Variants in USP43 observed in about 807,000 individuals in gnomAD.
USP43 encodes ubiquitin carboxyl-terminal hydrolase 43.
USP43 carries 33 observed loss-of-function variants against 90.7 expected under a neutral mutation model. The ratio of observed to expected loss-of-function variants is 0.36; its 90% confidence interval spans 0.28 to 0.49. The LOEUF (loss-of-function observed/expected upper bound fraction) is 0.49, where lower values mean the gene tolerates loss of function less well. Among genes scored for constraint, USP43 ranks in the 20% least tolerant of loss-of-function variants. The pLI, the probability that USP43 is intolerant of heterozygous loss-of-function variation, is 0.98. For synonymous variants in USP43, 598 were observed against 615.8 expected, an observed-to-expected ratio of 0.97 and a Z score of 0.43; for missense variants, 1,274 against 1,476.4, an observed-to-expected ratio of 0.86 and a Z score of 2.25.
intron 5 of USP43, among the ~76,000 whole-genome samples, chr17:9,679,621 G>T (rs1319588935): frequency 6.7e-6 from 1 of 149,942 alleles, no homozygotes; most frequent in Non-Finnish European, 1.5e-5. Context: ...CGCCTCCCGG[G>T]TTCACACCAT....
intron 7 of USP43, among the ~76,000 whole-genome samples, chr17:9,685,969 C>T (rs774976083): frequency 7.9e-5 from 12 of 152,168 alleles, no homozygotes; most frequent in South Asian, 2.1e-4. Flanking sequence ...CCCCCACTGG[C>T]GCCTCCCAGC....
At chr17:9,718,470 G>A (rs934948640) in intron 14 of USP43, among the ~76,000 whole-genome samples, 7 of 152,122 alleles carry the variant, frequency 4.6e-5, no homozygotes, top group African/African-American at 1.4e-4. Context: ...CCAGCGTGTG[G>A]CATTTGGGCT....
chr17:9,705,819 G>A (rs764033716), intron 12 of USP43, among the ~76,000 whole-genome samples: 1 of 151,792 alleles, frequency 6.6e-6, no homozygotes, highest in African/African-American at 2.4e-5. Context: ...AAATATTGCT[G>A]TGATAACCCT....
At chr17:9,677,732 C>T (rs575416927) in intron 5 of USP43, among the ~76,000 whole-genome samples, 2 of 152,304 alleles carry the variant, frequency 1.3e-5, no homozygotes, top group South Asian at 4.1e-4. Context: ...ACTTCCCTGA[C>T]TATCTCATGG....
chr17:9,656,332 G>T (rs1026526274), intron 1 of USP43, 71 bp from the exon 2 acceptor site: 5 of 1,549,138 alleles, frequency 3.2e-6, no homozygotes, highest in Non-Finnish European at 4.4e-6. Flanking sequence ...GGTAGACCTG[G>T]TGCTCACAGA....
chr17:9,681,291 T>C (rs185084112), intron 6 of USP43, among the ~76,000 whole-genome samples: 1,284 of 112,048 alleles, frequency 0.011, 18 homozygotes, highest in Middle Eastern at 0.029. Flanking sequence ...ATTATATATG[T>C]TATATATAAT....
rs1233213867 is a variant in USP43 at position 9,701,495 on chromosome 17, C to T, written c.1806C>T (p.Leu602=). 3 of 1,572,154 alleles carry T rather than the reference C, an allele frequency of 1.9e-6. No individual in the cohort carries two copies. The highest frequency in any genetic ancestry group is 2.4e-5 in the East Asian group (1 of 42,550). ...AGGTGGGCGAGAGAAGAAACAAGCT[C>T]TCCACGCTGGTGAAGTTTCCGCTCT... The part of the protein sequence containing the change: ...FCQVGERRNK[L]STLVKFPLSG... The change falls in exon 12 of 15, where the codon CTC becomes CTT. Residue 602 remains leucine (L), a synonymous_variant. Transcript: ENST00000285199. The surrounding 1 kb of genome is among the most constrained non-coding windows in gnomAD (Gnocchi z 7.2).
chr17:9,647,127 G>C lies in USP43; in HGVS notation c.504+991G>C, dbSNP rs552665129. The C allele has an allele frequency of 9.3e-5, 14 of 150,650 alleles. No individual in the cohort carries two copies. In the South Asian group the frequency reaches 3.0e-3, roughly 32 times the overall value. 9.3% of individuals were successfully genotyped at this position (150,650 alleles called of 1,614,324 possible). A position where few individuals can be genotyped will look rare whatever the true frequency, so the allele number is the denominator to read the frequency against. Reference sequence around the variant, plus strand: ...AAGAAGAAACCCGCAGCTCTGGGCAGAGAACTGAAGCTCCCTACAGACTAG... The same window carrying C: ...AAGAAGAAACCCGCAGCTCTGGGCACAGAACTGAAGCTCCCTACAGACTAG... On this transcript the variant is annotated intron_variant, in intron 1 of 14. Transcript: ENST00000285199.
Position 9,681,168 on chromosome 17 carries a change from A to AG in USP43, c.1105+802_1105+803insG, listed in dbSNP as rs1206069189. Among the ~76,000 whole-genome samples, 14 of 63,728 alleles carry AG rather than the reference A, an allele frequency of 2.2e-4. 2 individuals are homozygous for AG. Among genetic ancestry groups the AG allele is most frequent in the African/African-American group, 1.4e-3 (14 of 10,324 alleles). The allele number at this position is 63,728 out of a possible 152,430, so 41.8% of individuals were successfully genotyped here. A position where few individuals can be genotyped will look rare whatever the true frequency, so the allele number is the denominator to read the frequency against. On this transcript the variant is annotated intron_variant, in intron 6 of 14. Coordinates refer to ENST00000285199, the MANE Select transcript of USP43 (RefSeq NM_153210.5). ...TACTATATAATATATACTATATAAT[A>AG]TATACTATATAATATACTATATAAT...
chr17:9,658,951 A>G (rs1912448719), intron 2 of USP43, among the ~76,000 whole-genome samples: 2 of 152,200 alleles, frequency 1.3e-5, no homozygotes, highest in Admixed American at 1.3e-4. Flanking sequence ...CCCAGGGAAG[A>G]GTCCGATTGT....
rs34258688 is a variant in USP43, at chr17:9,714,682, C to CAAAAAAAAAA, written c.2335+2560_2335+2569dup. Among the ~76,000 whole-genome samples, 44 of 69,994 alleles carry CAAAAAAAAAA rather than the reference C, an allele frequency of 6.3e-4. 1 individual carries two copies. The highest frequency in any genetic ancestry group is 2.3e-3 in the African/African-American group (42 of 18,128). The allele number at this position is 69,994 out of a possible 152,430, so 45.9% of individuals were successfully genotyped here. ...TGGGCAACAGAGCAAGACTCCATCTCAAAAAAAAAAAAAAAAAAATGAAGA... is the reference window on the plus strand; with the variant it reads ...TGGGCAACAGAGCAAGACTCCATCTCAAAAAAAAAAAAAAAAAAAAAAAAAAAAATGAAGA... On this transcript the variant is annotated intron_variant, in intron 14 of 14. Coordinates refer to ENST00000285199, the MANE Select transcript of USP43 (RefSeq NM_153210.5).
At chr17:9,710,400 A>G (rs9895034) in intron 13 of USP43, among the ~76,000 whole-genome samples, 54,029 of 151,390 alleles carry the variant, frequency 0.36, 11,047 homozygotes, top group African/African-American at 0.58. Context: ...CACTCATATC[A>G]CAGCAGGTTT....
chr17:9,691,773 G>T (rs1265785551), intron 8 of USP43, among the ~76,000 whole-genome samples: 1 of 152,044 alleles, frequency 6.6e-6, no homozygotes, highest in Admixed American at 6.6e-5. Flanking sequence ...ATTAGGCCAG[G>T]TGCGGTGGCT....
intron 3 of USP43, among the ~76,000 whole-genome samples, chr17:9,667,989 C>A (rs1489362243): frequency 6.6e-6 from 1 of 152,148 alleles, no homozygotes; most frequent in Admixed American, 6.5e-5. Context: ...ATGTCTAAAG[C>A]ACAAGTCCTG....
At chr17:9,666,553 G>A (rs751163007) in intron 2 of USP43, 95 bp from the exon 3 acceptor site, 37 of 961,360 alleles carry the variant, frequency 3.8e-5, no homozygotes, top group Non-Finnish European at 5.3e-5. Context: ...AAGGGATGAT[G>A]CGGGCCCAGG....
intron 1 of USP43, among the ~76,000 whole-genome samples, chr17:9,648,016 G>A (rs1206953207): frequency 1.3e-5 from 2 of 152,180 alleles, no homozygotes; most frequent in East Asian, 1.9e-4. Context: ...GCGAGACTCC[G>A]TCTCAAAAAA....
In USP43 at chr17:9,681,480, A is replaced by AT. The variant is rs1914271261; in HGVS notation, c.1105+1115dup. 2.1e-4 allele frequency among the ~76,000 whole-genome samples: 5 copies of AT among 24,286 alleles called. 1 individual carries two copies. In the South Asian group the frequency reaches 0.01, roughly 51 times the overall value. The allele number at this position is 24,286 out of a possible 152,430, so 15.9% of individuals were successfully genotyped here. ...AAATATATTATATATATATATATATATATATATATATATATATATATATAT... is the reference window on the plus strand; with the variant it reads ...AAATATATTATATATATATATATATATTATATATATATATATATATATATAT... On this transcript the variant is annotated intron_variant, in intron 6 of 14. Coordinates refer to ENST00000285199, the MANE Select transcript of USP43 (RefSeq NM_153210.5).
intron 1 of USP43, 62 bp from the exon 2 acceptor site, chr17:9,656,339 CAG>C: frequency 6.4e-7 from 1 of 1,564,180 alleles, no homozygotes; most frequent in Non-Finnish European, 8.7e-7. Context: ...CTGGTGCTCA[CAG>C]AGCCTTCATT....
At chr17:9,716,457 T>G (rs1312222881) in intron 14 of USP43, among the ~76,000 whole-genome samples, 1 of 152,176 alleles carries the variant, frequency 6.6e-6, no homozygotes, top group African/African-American at 2.4e-5. Context: ...ATCATGACTG[T>G]TTTAAATAAA....
Sources: allele counts gnomAD v4.1 joint callset (sites outside exome capture counted in the v4.1 genomes callset), GRCh38; gene constraint gnomAD v4.1.1; non-coding constraint Gnocchi (gnomAD v3.1); transcripts MANE v1.5; gene names NCBI Gene and HGNC (gene_info 2026-07-23, HGNC 2026-07-21).